LRP1B: variants seen among roughly 807,000 people sequenced by gnomAD.
The protein encoded by LRP1B is low-density lipoprotein receptor-related protein 1B.
Under a neutral mutation model 556.6 loss-of-function variants are expected in LRP1B, and 217 were observed. The ratio of observed to expected loss-of-function variants is 0.39; its 90% CI spans 0.35 to 0.44. LRP1B has a LOEUF of 0.44. Among genes scored for constraint, LRP1B ranks in the 20% least tolerant of loss-of-function variants. LRP1B has a pLI of 1.00. For missense variants in LRP1B, 5,053 were observed against 5,620.8 expected (o/e 0.90, Z 3.23); for synonymous variants, 2,047 against 1,865.8 (o/e 1.10, Z -2.50).
chr2:141,138,516 T>G (rs1463700926), intron 7 of LRP1B, among the ~76,000 whole-genome samples: 11 of 151,504 alleles, frequency 7.3e-5, no homozygotes, highest in Non-Finnish European at 1.6e-4. Context: ...TTGAATGGAA[T>G]CTACTAAAAA....
chr2:141,912,923 G>A (rs1477353605), intron 1 of LRP1B, among the ~76,000 whole-genome samples: 1 of 152,154 alleles, frequency 6.6e-6, no homozygotes. Context: ...TTAACTCTAT[G>A]TCTTTGGGTT....
chr2:140,796,683 C>T (rs1383494771), intron 32 of LRP1B, among the ~76,000 whole-genome samples: 1 of 152,076 alleles, frequency 6.6e-6, no homozygotes, highest in Non-Finnish European at 1.5e-5. Context: ...AACTAAGTGA[C>T]ATTGCTCAGT....
intron 37 of LRP1B, among the ~76,000 whole-genome samples, chr2:140,704,479 T>C (rs978663870): frequency 6.6e-6 from 1 of 152,064 alleles, no homozygotes; most frequent in South Asian, 2.1e-4. Context: ...AGGAAAAACT[T>C]TGTAGCATAA....
intron 32 of LRP1B, among the ~76,000 whole-genome samples, chr2:140,808,986 A>G (rs1212909468): frequency 6.6e-6 from 1 of 151,554 alleles, no homozygotes; most frequent in African/African-American, 2.4e-5. Context: ...TTTTTTTTCT[A>G]CTAAAGTCCC....
At chr2:140,272,258 A>AACACAC (rs10654741) in intron 85 of LRP1B, among the ~76,000 whole-genome samples, 33,206 of 149,212 alleles carry the variant, frequency 0.22, 3,813 homozygotes, top group South Asian at 0.32. Context: ...TGCACACACA[A>AACACAC]ACACACACAC....
intron 86 of LRP1B, among the ~76,000 whole-genome samples, chr2:140,257,993 A>G (rs1173383449): frequency 6.6e-6 from 1 of 152,146 alleles, no homozygotes; most frequent in African/African-American, 2.4e-5. Context: ...TACAAGGCCA[A>G]TGTTTTGAGG....
chr2:140,564,929 GATC>G (rs1283821559), intron 43 of LRP1B, among the ~76,000 whole-genome samples: 1 of 151,958 alleles, frequency 6.6e-6, no homozygotes, highest in Non-Finnish European at 1.5e-5. Context: ...TATCCTGAAA[GATC>G]TACTTGTATA....
chr2:141,603,950 C>G (rs993257979), intron 2 of LRP1B, among the ~76,000 whole-genome samples: 1 of 152,116 alleles, frequency 6.6e-6, no homozygotes, highest in African/African-American at 2.4e-5. Context: ...AAGGAGATTG[C>G]CTTAGGAGTC....
intron 2 of LRP1B, among the ~76,000 whole-genome samples, chr2:141,503,845 A>C (rs1215652552): frequency 6.6e-6 from 1 of 152,180 alleles, no homozygotes; most frequent in African/African-American, 2.4e-5. Flanking sequence ...TGCCATGTTG[A>C]AAACTTTGAA....
intron 2 of LRP1B, among the ~76,000 whole-genome samples, chr2:141,708,093 GA>G (rs1330118478): frequency 6.6e-6 from 1 of 152,018 alleles, no homozygotes; most frequent in Admixed American, 6.6e-5. Context: ...AAGGACAAAA[GA>G]AAATATAATT....
At chr2:141,475,170 T>G (rs1290759320) in intron 3 of LRP1B, among the ~76,000 whole-genome samples, 1 of 152,074 alleles carries the variant, frequency 6.6e-6, no homozygotes, top group African/African-American at 2.4e-5. Context: ...GTCAGGAGTT[T>G]GTGACCAGCT....
At chr2:141,111,869 C>A (rs140521463) in intron 7 of LRP1B, among the ~76,000 whole-genome samples, 1 of 151,812 alleles carries the variant, frequency 6.6e-6, no homozygotes, top group African/African-American at 2.4e-5. Context: ...CATGGTGAAA[C>A]CCCGTCTCTA....
chr2:140,429,470 G>C (rs1573928689), intron 66 of LRP1B, among the ~76,000 whole-genome samples: 1 of 152,060 alleles, frequency 6.6e-6, no homozygotes, highest in Admixed American at 6.6e-5. Flanking sequence ...ACACCCATCA[G>C]GGTCAGCAAA....
intron 1 of LRP1B, among the ~76,000 whole-genome samples, chr2:141,866,164 T>C (rs1698408425): frequency 6.6e-6 from 1 of 152,218 alleles, no homozygotes; most frequent in South Asian, 2.1e-4. Flanking sequence ...CAGATATGCT[T>C]ACTTTTATTT....
intron 41 of LRP1B, among the ~76,000 whole-genome samples, chr2:140,638,249 C>T (rs1161197868): frequency 2.0e-5 from 3 of 152,134 alleles, no homozygotes; most frequent in Non-Finnish European, 4.4e-5. Context: ...TAGTTCTCAA[C>T]AAAGCACTGT....
chr2:141,076,711 T>C (rs967889272), intron 7 of LRP1B, among the ~76,000 whole-genome samples: 3 of 152,232 alleles, frequency 2.0e-5, no homozygotes, highest in African/African-American at 7.2e-5. Context: ...CCTGGCTGTT[T>C]ATTAATTTCT....
intron 68 of LRP1B, among the ~76,000 whole-genome samples, chr2:140,374,812 T>C (rs1683148449): frequency 6.6e-6 from 1 of 152,130 alleles, no homozygotes; most frequent in African/African-American, 2.4e-5. Context: ...TAAACATTTT[T>C]AGGAGCGATG....
chr2:142,072,154 G>A lies in LRP1B; in HGVS notation c.82+58494C>T, dbSNP rs939988683. ...AAGCTAATGCCTATGTTAGTTCAGC[G>A]GTTGCCTAATGAAGCTTCCTGAATT... On this transcript the variant is annotated intron_variant, in intron 1 of 90. Transcript: ENST00000389484. 5.3e-5 allele frequency among the ~76,000 whole-genome samples: 8 copies of A among 151,836 alleles called. No homozygotes were observed. In the South Asian group the frequency reaches 8.3e-4, roughly 16 times the overall value.
intron 41 of LRP1B, among the ~76,000 whole-genome samples, chr2:140,668,169 G>T (rs1212770652): frequency 1.3e-5 from 2 of 151,768 alleles, no homozygotes; most frequent in East Asian, 1.9e-4. Flanking sequence ...AAATTAGCCG[G>T]GTGTGGCGGC....
Sources: allele counts gnomAD v4.1 joint callset (sites outside exome capture counted in the v4.1 genomes callset), GRCh38; gene constraint gnomAD v4.1.1; transcripts MANE v1.5; gene names NCBI Gene and HGNC (gene_info 2026-07-23, HGNC 2026-07-21).